RANBP3: variants seen among roughly 807,000 people sequenced by gnomAD.
RANBP3 encodes RAN binding protein 3, also known as ran-binding protein 3.
Under a neutral mutation model 77.3 loss-of-function variants are expected in RANBP3, and 14 were observed. The observed-to-expected ratio is 0.18, with a 90% confidence interval of 0.12 to 0.28. The LOEUF is 0.28. Among genes scored for constraint, RANBP3 ranks in the 10% least tolerant of loss-of-function variants. The pLI is 1.00. For missense variants in RANBP3, 586 were observed against 752.3 expected (o/e 0.78, Z 2.59); for synonymous variants, 315 against 312.4 (o/e 1.01, Z -0.09).
chr19:5,925,590 C>A (rs376189730), intron 10 of RANBP3, 44 bp downstream of exon 10: 1 of 1,571,994 alleles, frequency 6.4e-7, no homozygotes, highest in African/African-American at 1.4e-5. Context: ...TCGCGGCCAC[C>A]TGCATCGCCA....
chr19:5,917,467 C>T lies in RANBP3; in HGVS notation c.*143G>A, dbSNP rs769066245. 1.8e-4 allele frequency: 158 copies of T among 888,860 alleles called. No homozygotes were observed. Among genetic ancestry groups the T allele is most frequent in the Non-Finnish European group, 2.5e-4 (147 of 598,348 alleles). The allele number at this position is 888,860 out of a possible 1,614,324, so 55.1% of individuals were successfully genotyped here. A position where few individuals can be genotyped will look rare whatever the true frequency, so the allele number is the denominator to read the frequency against. On this transcript the variant is annotated 3_prime_UTR_variant, in exon 17 of 17. Coordinates refer to ENST00000340578, the MANE Select transcript of RANBP3 (RefSeq NM_007322.3). Reference sequence around the variant, plus strand: ...TTCCCGAGTCTGCTTTTGAACAGGACGTGCGGGTCCAGACTGTGGCCGGCC... The same window carrying T: ...TTCCCGAGTCTGCTTTTGAACAGGATGTGCGGGTCCAGACTGTGGCCGGCC...
At chr19:5,944,038 G>A (rs2058172298) in intron 3 of RANBP3, among the ~76,000 whole-genome samples, 1 of 151,970 alleles carries the variant, frequency 6.6e-6, no homozygotes, top group Non-Finnish European at 1.5e-5. Flanking sequence ...CCCAGCCTTC[G>A]GTCTCCTCAC....
At chr19:5,931,587 C>T (rs188772491) in intron 7 of RANBP3, 56 bp from the exon 8 acceptor site, 3 of 1,560,370 alleles carry the variant, frequency 1.9e-6, no homozygotes, top group African/African-American at 1.3e-5. Flanking sequence ...CTCCCACCCC[C>T]ACTCACATAG....
chr19:5,937,202 G>A (rs1437829957), intron 5 of RANBP3, among the ~76,000 whole-genome samples: 2 of 151,804 alleles, frequency 1.3e-5, no homozygotes, highest in Non-Finnish European at 2.9e-5. Flanking sequence ...AGTCTAAAGT[G>A]TCTCTCAGAA....
chr19:5,977,440 G>A (rs570957241), intron 1 of RANBP3, among the ~76,000 whole-genome samples: 1 of 152,172 alleles, frequency 6.6e-6, no homozygotes, highest in African/African-American at 2.4e-5. Context: ...CGGCGGCCCA[G>A]ATCCTGCGGC....
intron 3 of RANBP3, among the ~76,000 whole-genome samples, chr19:5,949,438 G>A (rs953232595): frequency 6.6e-6 from 1 of 152,248 alleles, no homozygotes; most frequent in Admixed American, 6.5e-5. Flanking sequence ...TGAGGGAAGA[G>A]CCCTGGTCAG....
At position 5,924,358 on chromosome 19, in the gene RANBP3, GA is replaced by G. The variant is rs761139961; in HGVS notation, c.997-445del. Among the ~76,000 whole-genome samples, 36 of 152,352 alleles carry G rather than the reference GA, an allele frequency of 2.4e-4. No individual in the cohort carries two copies. The highest frequency in any genetic ancestry group is 8.8e-5 in the Non-Finnish European group (6 of 68,032). Reference sequence around the variant, plus strand: ...GTAAAGAGGTAGGCAAACCATTCTAGAACCCTCTCCCAGGCTGGCTGGGCTC... The same window carrying G: ...GTAAAGAGGTAGGCAAACCATTCTAGACCCTCTCCCAGGCTGGCTGGGCTC... On this transcript the variant is annotated intron_variant, in intron 11 of 16. Coordinates refer to ENST00000340578, the MANE Select transcript of RANBP3 (RefSeq NM_007322.3). This position sits in a 1 kb window ranked among gnomAD's most constrained non-coding sequence, Gnocchi z 4.7.
intron 8 of RANBP3, among the ~76,000 whole-genome samples, chr19:5,931,199 A>C (rs2057985175): frequency 6.6e-6 from 1 of 152,144 alleles, no homozygotes. Flanking sequence ...GACCAGCAAG[A>C]CCACCCTTGG....
Position 5,917,791 on chromosome 19 carries a change from C to T in RANBP3, c.1660+3G>A, listed in dbSNP as rs771020436. The T allele has an allele frequency of 6.2e-7, 1 of 1,606,294 alleles. No homozygotes were observed. On this transcript the variant is annotated splice_donor_region_variant and intron_variant, in intron 16 of 16. Transcript: ENST00000340578. ...CCCCCAGGGTAGGGACCACCCGACT[C>T]ACCAGCTGCGGTGGCCCCTGAAGGA...
chr19:5,932,754 G>C (rs1183959115), intron 6 of RANBP3: 2 of 571,880 alleles, frequency 3.5e-6, no homozygotes, highest in East Asian at 5.9e-5. Context: ...GAAACTCCCA[G>C]TGACCGACGC....
chr19:5,919,175 C>G (rs1480143029), intron 14 of RANBP3, among the ~76,000 whole-genome samples: 1 of 152,234 alleles, frequency 6.6e-6, no homozygotes, highest in Non-Finnish European at 1.5e-5. Flanking sequence ...CGCAGCTTAG[C>G]GCTTCCATGG....
At chr19:5,964,092 C>T (rs189271526) in intron 1 of RANBP3, among the ~76,000 whole-genome samples, 15 of 152,326 alleles carry the variant, frequency 9.8e-5, no homozygotes, top group South Asian at 6.2e-4. Context: ...CCCTCCCATC[C>T]CCTGCTACCC....
chr19:5,969,149 C>T (rs144093440), intron 1 of RANBP3, among the ~76,000 whole-genome samples: 3 of 152,180 alleles, frequency 2.0e-5, no homozygotes, highest in African/African-American at 4.8e-5. Context: ...GCCCACAGGA[C>T]GTTCAGCCTT....
rs528535352 is a variant in RANBP3, at chr19:5,923,824, T to C, written c.1087A>G (p.Thr363Ala). The stretch of plus-strand genomic sequence containing the variant: ...GACGCTAACATACCTTTCTCAGGGG[T>C]GGCCTCCTGGGACGAGGACTCAGAC... ...SGSESSSQEA[T>A]PEKESLAESA... Residue 363 changes from threonine to alanine, a missense_variant, in exon 12 of 17, where the codon ACC becomes GCC. Transcript: ENST00000340578. 23 of 1,612,424 alleles carry C rather than the reference T, an allele frequency of 1.4e-5. No individual in the cohort carries two copies. Among genetic ancestry groups the C allele is most frequent in the Non-Finnish European group, 1.9e-5 (22 of 1,178,604 alleles).
chr19:5,958,112 C>T lies in RANBP3; in HGVS notation c.23-139G>A. Reference sequence around the variant, plus strand: ...GAGAACATCAAATCACTTAGAACAGCGTCTTGACTCGGATGCCTGGAGGCA... The same window carrying T: ...GAGAACATCAAATCACTTAGAACAGTGTCTTGACTCGGATGCCTGGAGGCA... On this transcript the variant is annotated intron_variant, in intron 1 of 16. Transcript: ENST00000340578. The surrounding 1 kb of genome is among the most constrained non-coding windows in gnomAD (Gnocchi z 4.4). 5 of 769,330 alleles carry T rather than the reference C, an allele frequency of 6.5e-6. No homozygotes were observed. Among genetic ancestry groups the T allele is most frequent in the Non-Finnish European group, 1.0e-5 (5 of 480,056 alleles). The allele number at this position is 769,330 out of a possible 1,614,324, so 47.7% of individuals were successfully genotyped here.
Position 5,921,114 on chromosome 19 carries a change from C to T in RANBP3, c.1330+87G>A. 1 of 1,475,060 alleles carries T rather than the reference C, an allele frequency of 6.8e-7. No homozygotes were observed. Among genetic ancestry groups the T allele is most frequent in the Non-Finnish European group, 9.1e-7 (1 of 1,097,422 alleles). The allele number at this position is 1,475,060 out of a possible 1,614,324, so 91.4% of individuals were successfully genotyped here. A position where few individuals can be genotyped will look rare whatever the true frequency, so the allele number is the denominator to read the frequency against. On this transcript the variant is annotated intron_variant, in intron 14 of 16. Coordinates refer to ENST00000340578, the MANE Select transcript of RANBP3 (RefSeq NM_007322.3). This position sits in a 1 kb window ranked among gnomAD's most constrained non-coding sequence, Gnocchi z 5.3. ...ACTCTCACAAGGGTAGGGTCAGGAT[C>T]TCCCCCGCTTCATTCCCTTTGGAAT...
intron 8 of RANBP3, among the ~76,000 whole-genome samples, chr19:5,930,061 G>C (rs927301266): frequency 6.6e-6 from 1 of 152,230 alleles, no homozygotes; most frequent in African/African-American, 2.4e-5. Context: ...TCTCGGTAGC[G>C]GGTGCTACCA....
At chr19:5,973,808 T>G (rs530145019) in intron 1 of RANBP3, among the ~76,000 whole-genome samples, 44 of 152,306 alleles carry the variant, frequency 2.9e-4, no homozygotes, top group Non-Finnish European at 5.6e-4. Context: ...TGTGCACTCA[T>G]TCCTTCAATG....
At chr19:5,947,770 A>G (rs958191788) in intron 3 of RANBP3, among the ~76,000 whole-genome samples, 2 of 152,162 alleles carry the variant, frequency 1.3e-5, no homozygotes, top group Non-Finnish European at 2.9e-5. Flanking sequence ...TGGTGGCGCA[A>G]CAAGCTCCCC....
Sources: gnomAD v4.1 joint callset for allele counts (sites outside exome capture counted in the v4.1 genomes callset) on GRCh38, gnomAD v4.1.1 for gene constraint, Gnocchi (gnomAD v3.1) non-coding constraint, MANE v1.5 for transcripts, NCBI Gene and HGNC (gene_info 2026-07-23, HGNC 2026-07-21) for gene names.